NDUFAF6: variants seen among roughly 807,000 people sequenced by gnomAD.
NDUFAF6 encodes NADH dehydrogenase (ubiquinone) complex I, assembly factor 6.
In NDUFAF6, 45 loss-of-function variants were observed where a neutral mutation model predicts 40.8. That is an observed-to-expected ratio of 1.10 (90% CI 0.87 to 1.42). NDUFAF6 has a LOEUF of 1.42. Ranked by LOEUF, NDUFAF6 falls within the 40% of genes most tolerant of loss-of-function variation. The pLI, the probability that NDUFAF6 is intolerant of heterozygous loss-of-function variation, is 0.00. For missense variants in NDUFAF6, 435 were observed against 418.5 expected (o/e 1.04, Z -0.34); for synonymous variants, 185 against 155.9 (o/e 1.19, Z -1.39).
At chr8:95,026,616 TTTAAG>T (rs1328257304) in intron 1 of NDUFAF6, among the ~76,000 whole-genome samples, 1 of 152,240 alleles carries the variant, frequency 6.6e-6, no homozygotes, top group Non-Finnish European at 1.5e-5. Context: ...TTTTTATATA[TTTAAG>T]TTGTTATATT....
Position 95,051,452 on chromosome 8 carries a change from G to T in NDUFAF6, c.817-722G>T, listed in dbSNP as rs571992681. Among the ~76,000 whole-genome samples the T allele has an allele frequency of 1.6e-4, 24 of 152,302 alleles. 1 individual carries two copies. In the South Asian group the frequency reaches 4.1e-3, roughly 26 times the overall value. ...GAGTAATTTCAGTAGATGGTTGGGG[G>T]TCAAACTGGAGTATAATGGGTTAAG... On this transcript the variant is annotated intron_variant, in intron 7 of 8. Coordinates refer to ENST00000396124, the MANE Select transcript of NDUFAF6 (RefSeq NM_152416.4).
chr8:94,901,011 T>C (rs1282055266), intron 1 of NDUFAF6, among the ~76,000 whole-genome samples: 2 of 151,944 alleles, frequency 1.3e-5, no homozygotes, highest in African/African-American at 4.8e-5. Context: ...ATAACTAAGA[T>C]GAAAAATAAG....
At chr8:94,962,882 C>T (rs140145212) in intron 1 of NDUFAF6, among the ~76,000 whole-genome samples, 1,519 of 151,386 alleles carry the variant, frequency 0.01, 28 homozygotes, top group African/African-American at 0.035. Context: ...CCTTAGCTTC[C>T]TGGGTTCAAG....
chr8:95,051,273 G>A (rs1345638675), intron 7 of NDUFAF6, among the ~76,000 whole-genome samples: 2 of 152,164 alleles, frequency 1.3e-5, no homozygotes, highest in Non-Finnish European at 2.9e-5. Flanking sequence ...GAAAGAGAAG[G>A]AAAGAATGTT....
chr8:94,997,341 C>G (rs2515228), intron 2 of NDUFAF6, among the ~76,000 whole-genome samples: 26,967 of 88,088 alleles, frequency 0.31, 3,165 homozygotes, highest in African/African-American at 0.34. Flanking sequence ...CACACACACA[C>G]ACAGAGAGAG....
At chr8:94,922,286 A>G (rs1377273061) in intron 1 of NDUFAF6, among the ~76,000 whole-genome samples, 1 of 152,058 alleles carries the variant, frequency 6.6e-6, no homozygotes, top group Non-Finnish European at 1.5e-5. Flanking sequence ...CTGGAATTAC[A>G]GGCATGAACC....
intron 1 of NDUFAF6, among the ~76,000 whole-genome samples, chr8:95,030,274 A>G (rs1298156472): frequency 6.6e-6 from 1 of 152,060 alleles, no homozygotes; most frequent in African/African-American, 2.4e-5. Flanking sequence ...TACCCAGACT[A>G]GAGTGCAGTG....
chr8:95,042,181 C>A (rs1219381692), intron 4 of NDUFAF6, among the ~76,000 whole-genome samples: 2 of 152,138 alleles, frequency 1.3e-5, no homozygotes, highest in African/African-American at 2.4e-5. Context: ...TGAATGGAAT[C>A]CTGTACTAAA....
intron 9 of NDUFAF6, among the ~76,000 whole-genome samples, chr8:95,069,694 C>T (rs1198789033): frequency 1.3e-5 from 2 of 149,700 alleles, no homozygotes; most frequent in Admixed American, 6.6e-5. Flanking sequence ...TCATGAGAAT[C>T]GCTGGAACCC....
intron 9 of NDUFAF6, among the ~76,000 whole-genome samples, chr8:95,070,771 T>C (rs1172979318): frequency 6.6e-6 from 1 of 152,170 alleles, no homozygotes; most frequent in Non-Finnish European, 1.5e-5. Context: ...GGCAGAGAAT[T>C]TCTGGTATCA....
At chr8:95,114,057 G>A (rs1461038770) in intron 4 of NDUFAF6, among the ~76,000 whole-genome samples, 1 of 151,594 alleles carries the variant, frequency 6.6e-6, no homozygotes, top group Admixed American at 6.6e-5. Context: ...CCTAATGCTA[G>A]ATGACGAGTT....
intron 1 of NDUFAF6, among the ~76,000 whole-genome samples, chr8:95,030,965 C>T (rs946724597): frequency 2.6e-5 from 4 of 152,196 alleles, no homozygotes; most frequent in African/African-American, 7.2e-5. Context: ...GTGCCAGGCT[C>T]TTTTAAGCAA....
chr8:95,012,910 C>G (rs1827287569), intron 2 of NDUFAF6, among the ~76,000 whole-genome samples: 1 of 152,100 alleles, frequency 6.6e-6, no homozygotes, highest in South Asian at 2.1e-4. Flanking sequence ...ATTATTAAGT[C>G]AGGGAAAAGA....
intron 1 of NDUFAF6, among the ~76,000 whole-genome samples, chr8:94,920,741 A>G (rs938684706): frequency 1.3e-5 from 2 of 152,226 alleles, no homozygotes; most frequent in African/African-American, 4.8e-5. Context: ...TTGCTCCTGG[A>G]AAGCTGCACA....
rs567806829 is a variant in NDUFAF6 at position 94,901,350 on chromosome 8, A to G, written c.-936+5423A>G. 3.9e-5 allele frequency among the ~76,000 whole-genome samples: 6 copies of G among 152,178 alleles called. No individual in the cohort carries two copies. In the East Asian group the frequency reaches 1.2e-3, roughly 29 times the overall value. ...ACTGGATAGGAGATGGGTGCAATGC[A>G]GGGAAGGGGTTAGTTTGTGGGAGCA... On this transcript the variant is annotated intron_variant, in intron 1 of 14. Transcript: ENST00000396113.
At chr8:94,926,619 A>C (rs910906214) in intron 1 of NDUFAF6, 7 of 152,156 alleles carry the variant, frequency 4.6e-5, no homozygotes, top group African/African-American at 1.7e-4. Context: ...ACAATTACAC[A>C]ATTTTTAAAA....
In NDUFAF6 at chr8:95,057,863, C is replaced by T; in HGVS notation, c.928C>T (p.His310Tyr). 6.2e-7 allele frequency: 1 copy of T among 1,609,336 alleles called. No homozygotes were observed. Among genetic ancestry groups the T allele is most frequent in the Non-Finnish European group, 8.5e-7 (1 of 1,176,216 alleles). ...TCAGCGAGTGGATTTTGATATATTC[C>T]ACCCATCTTTACAGCAGAAGAATAC... is the stretch of plus-strand genomic sequence containing the variant. Reference protein sequence around the residue: ...KIQRVDFDIFHPSLQQKNTLL... With the variant: ...KIQRVDFDIFYPSLQQKNTLL... The change falls in exon 9 of 9, where the codon CAC becomes TAC. Residue 310 changes from histidine (H) to tyrosine (Y), a missense_variant. Coordinates refer to ENST00000396124, the MANE Select transcript of NDUFAF6 (RefSeq NM_152416.4).
At chr8:95,012,042 G>A (rs960936771) in intron 2 of NDUFAF6, among the ~76,000 whole-genome samples, 1 of 152,310 alleles carries the variant, frequency 6.6e-6, no homozygotes, top group Admixed American at 6.5e-5. Context: ...TCAACATAGA[G>A]TTCCACATAC....
chr8:95,025,196 A>G lies in NDUFAF6; in HGVS notation c.188A>G (p.Glu63Gly), dbSNP rs1827947712. ...TGGGGCACTGACCACTACTGCCTGG[A>G]GCTGCTGCGGTGAGCGAGCACGACC... is the stretch of plus-strand genomic sequence containing the variant. Reference protein sequence around the residue: ...GAWGTDHYCLELLRKRDYEGY... With the variant: ...GAWGTDHYCLGLLRKRDYEGY... Residue 63 changes from glutamate (E) to glycine (G), a missense_variant, in exon 1 of 9, where the codon GAG (glutamate) becomes GGG (glycine). Transcript: ENST00000396124. 1 of 1,446,138 alleles carries G rather than the reference A, an allele frequency of 6.9e-7. No homozygotes were observed. The highest frequency in any genetic ancestry group is 9.0e-7 in the Non-Finnish European group (1 of 1,112,214). 89.6% of individuals were successfully genotyped at this position (1,446,138 alleles called of 1,614,324 possible).
Sources: allele counts gnomAD v4.1 joint callset (sites outside exome capture counted in the v4.1 genomes callset), GRCh38; gene constraint gnomAD v4.1.1; transcripts MANE v1.5; gene names NCBI Gene and HGNC (gene_info 2026-07-23, HGNC 2026-07-21).